The following CBFA2T2 variants were observed in gnomAD, a reference collection of about 807,000 sequenced individuals.
CBFA2T2 encodes the protein protein CBFA2T2.
A neutral mutation model predicts 62.2 loss-of-function variants in CBFA2T2; 11 were observed. That is an observed-to-expected ratio of 0.18 (90% CI 0.11 to 0.29). The LOEUF (loss-of-function observed/expected upper bound fraction) is 0.29, where lower values mean the gene tolerates loss of function less well. Among genes scored for constraint, CBFA2T2 ranks in the 10% least tolerant of loss-of-function variants. CBFA2T2 has a pLI of 1.00. For synonymous variants in CBFA2T2, 295 were observed against 287.5 expected (o/e 1.03, Z -0.27); for missense variants, 592 against 774.1 (o/e 0.76, Z 2.79).
At chr20:33,495,783 A>T (rs940465878) in intron 1 of CBFA2T2, among the ~76,000 whole-genome samples, 8 of 152,218 alleles carry the variant, frequency 5.3e-5, no homozygotes, top group African/African-American at 1.9e-4. Context: ...CCTGGGAACC[A>T]ATCCTAACAA....
At chr20:33,548,594 A>C (rs2012643270) in intron 1 of CBFA2T2, among the ~76,000 whole-genome samples, 1 of 152,128 alleles carries the variant, frequency 6.6e-6, no homozygotes, top group Non-Finnish European at 1.5e-5. Flanking sequence ...CTGTGGGTTC[A>C]GCAATAAGTA....
At chr20:33,597,216 G>A (rs2122257474) in intron 1 of CBFA2T2, among the ~76,000 whole-genome samples, 1 of 152,084 alleles carries the variant, frequency 6.6e-6, no homozygotes, top group South Asian at 2.1e-4. Context: ...AGAGATATGA[G>A]CCACTGTACC....
intron 1 of CBFA2T2, among the ~76,000 whole-genome samples, chr20:33,545,012 G>GAATAGAATAGAATAGAATA (rs2012510081): frequency 1.4e-5 from 2 of 139,772 alleles, no homozygotes; most frequent in Admixed American, 1.4e-4. Flanking sequence ...GAATAGAATA[G>GAATAGAATAGAATAGAATA]AACAGAACAG....
intron 1 of CBFA2T2, among the ~76,000 whole-genome samples, chr20:33,566,481 C>T (rs181904403): frequency 6.6e-6 from 1 of 152,142 alleles, no homozygotes; most frequent in East Asian, 1.9e-4. Context: ...TGACATGTGC[C>T]TGTAATCCCA....
intron 1 of CBFA2T2, among the ~76,000 whole-genome samples, chr20:33,594,313 C>T (rs895546412): frequency 2.4e-4 from 36 of 152,200 alleles, no homozygotes; most frequent in Non-Finnish European, 4.3e-4. Context: ...CCTCTGCCTC[C>T]TGGGTTGGAG....
At chr20:33,554,600 C>CTTTTTT (rs752877501) in intron 1 of CBFA2T2, among the ~76,000 whole-genome samples, 429 of 56,056 alleles carry the variant, frequency 7.7e-3, no homozygotes, top group Non-Finnish European at 9.5e-3. Context: ...TTTTTCTTTT[C>CTTTTTT]TTTTTTTTTT....
intron 1 of CBFA2T2, among the ~76,000 whole-genome samples, chr20:33,565,789 A>G (rs1322767775): frequency 3.3e-5 from 5 of 152,234 alleles, no homozygotes; most frequent in Non-Finnish European, 7.3e-5. Context: ...TGACCCAAGC[A>G]TATTTTCATA....
intron 9 of CBFA2T2, chr20:33,639,509 G>A (rs1003935295): frequency 3.3e-5 from 5 of 152,000 alleles, no homozygotes; most frequent in African/African-American, 1.2e-4. Flanking sequence ...GGGAGGCGGA[G>A]CTTGCAGTGA....
chr20:33,643,515 T>G (rs1343526036), intron 10 of CBFA2T2, among the ~76,000 whole-genome samples: 1 of 149,464 alleles, frequency 6.7e-6, no homozygotes, highest in Non-Finnish European at 1.5e-5. Flanking sequence ...GCCTAGGAGG[T>G]CAAGTCCAGC....
Position 33,640,492 on chromosome 20 carries a change from T to C in CBFA2T2, c.1449T>C (p.Asp483=), listed in dbSNP as rs775637857. The C allele has an allele frequency of 3.1e-6, 5 of 1,614,094 alleles. No individual in the cohort carries two copies. Among genetic ancestry groups the C allele is most frequent in the Admixed American group, 1.7e-5 (1 of 60,008 alleles). Residue 483 remains aspartate (D), a synonymous_variant, in exon 10 of 11, where the codon GAT becomes GAC. Coordinates refer to ENST00000342704, the MANE Select transcript of CBFA2T2 (RefSeq NM_001032999.3). The part of the protein sequence containing the change: ...IADVKRQAAE[D]AFLVINEQEE... ...ATGTCAAGCGGCAGGCCGCAGAGGA[T>C]GCTTTCCTCGTCATCAATGAGCAAG...
intron 1 of CBFA2T2, among the ~76,000 whole-genome samples, chr20:33,545,439 CTCTT>C (rs142619958): frequency 0.021 from 3,094 of 148,246 alleles, 49 homozygotes; most frequent in African/African-American, 0.048. Context: ...CTCTTTCTTT[CTCTT>C]TCTTTCTTTC....
intron 1 of CBFA2T2, among the ~76,000 whole-genome samples, chr20:33,503,413 C>G (rs2011333602): frequency 6.6e-6 from 1 of 151,740 alleles, no homozygotes; most frequent in African/African-American, 2.4e-5. Context: ...CGCCATCAGG[C>G]CCAGCTAATT....
chr20:33,548,598 A>G (rs1453879966), intron 1 of CBFA2T2, among the ~76,000 whole-genome samples: 1 of 152,156 alleles, frequency 6.6e-6, no homozygotes. Context: ...GGGTTCAGCA[A>G]TAAGTATAGT....
intron 1 of CBFA2T2, among the ~76,000 whole-genome samples, chr20:33,557,004 C>CTTTTTTTTTTTTTTTTTTT (rs751836572): frequency 2.2e-5 from 1 of 46,200 alleles, no homozygotes; most frequent in African/African-American, 9.4e-5. Context: ...GCATGCTTAT[C>CTTTTTTTTTTTTTTTTTTT]TTTTTTTTTT....
At chr20:33,619,731 G>A (rs1159077759) in intron 4 of CBFA2T2, 125 bp downstream of exon 4, 4 of 633,618 alleles carry the variant, frequency 6.3e-6, no homozygotes, top group Non-Finnish European at 1.1e-5. Flanking sequence ...GGCTGGTAGA[G>A]AGGTCTGAGT....
At chr20:33,522,860 A>G (rs2011771417) in intron 1 of CBFA2T2, among the ~76,000 whole-genome samples, 1 of 152,212 alleles carries the variant, frequency 6.6e-6, no homozygotes, top group African/African-American at 2.4e-5. Context: ...ATCATACTTA[A>G]GGTTTAACTT....
At chr20:33,589,809 T>C (rs2014534861) in intron 1 of CBFA2T2, among the ~76,000 whole-genome samples, 1 of 152,246 alleles carries the variant, frequency 6.6e-6, no homozygotes, top group Non-Finnish European at 1.5e-5. Context: ...AGGCCACATA[T>C]GTAATTTTAA....
chr20:33,588,378 A>G (rs899230557), intron 1 of CBFA2T2, among the ~76,000 whole-genome samples: 3 of 151,102 alleles, frequency 2.0e-5, no homozygotes, highest in South Asian at 2.1e-4. Flanking sequence ...ATATAAATAT[A>G]TATAGATCAA....
intron 1 of CBFA2T2, among the ~76,000 whole-genome samples, chr20:33,502,920 C>A (rs1481665324): frequency 6.7e-6 from 1 of 150,068 alleles, no homozygotes; most frequent in Non-Finnish European, 1.5e-5. Flanking sequence ...GAAACCCCAT[C>A]TCTACTAAAA....
Sources: gnomAD v4.1 joint callset for allele counts (sites outside exome capture counted in the v4.1 genomes callset) on GRCh38, gnomAD v4.1.1 for gene constraint, MANE v1.5 for transcripts, NCBI Gene and HGNC (gene_info 2026-07-23, HGNC 2026-07-21) for gene names.